The following ATP13A4 variants were observed in gnomAD, a reference collection of about 807,000 sequenced individuals.
The protein encoded by ATP13A4 is ATPase 13A4.
A neutral mutation model predicts 142.5 loss-of-function variants in ATP13A4; 114 were observed. The observed-to-expected ratio is 0.80, with a 90% CI of 0.69 to 0.93. ATP13A4 has a LOEUF of 0.93. Ranked by LOEUF, ATP13A4 falls within the 40% of genes least tolerant of loss-of-function variation. The pLI is 0.00. For missense variants in ATP13A4, 1,392 were observed against 1,454.0 expected, an observed-to-expected ratio of 0.96 and a Z score of 0.69; for synonymous variants, 488 against 514.8, an observed-to-expected ratio of 0.95 and a Z score of 0.70.
chr3:193,414,647 G>A lies in ATP13A4; in HGVS notation c.2946C>T (p.Ser982=). Residue 982 remains serine, a synonymous_variant, in exon 26 of 30, where the codon AGC becomes AGT. Coordinates refer to ENST00000342695, the MANE Select transcript of ATP13A4 (RefSeq NM_032279.4). ...LLSVIFNILL[S]LAMHIAGFIL... is the part of the protein sequence containing the mutation. ...TGAAGCCTGCAATATGCATGGCCAG[G>A]CTGAGAAGAATGTTGAAAATCACAG... The A allele has an allele frequency of 1.9e-6, 3 of 1,614,110 alleles. No individual in the cohort carries two copies. The highest frequency in any genetic ancestry group is 2.5e-6 in the Non-Finnish European group (3 of 1,180,006).
chr3:193,543,048 G>C (rs1436124639), intron 1 of ATP13A4, among the ~76,000 whole-genome samples: 2 of 151,942 alleles, frequency 1.3e-5, no homozygotes, highest in East Asian at 1.9e-4. Flanking sequence ...GATGCCTGTA[G>C]TCCCAGCTAC....
chr3:193,559,483 T>A (rs1375283161), upstream of ATP13A4, among the ~76,000 whole-genome samples: 4 of 152,138 alleles, frequency 2.6e-5, no homozygotes, highest in Non-Finnish European at 5.9e-5. Flanking sequence ...CCTAATCTGC[T>A]CTAAAATAGT....
intron 26 of ATP13A4, among the ~76,000 whole-genome samples, chr3:193,412,874 A>T (rs1177842458): frequency 6.6e-6 from 1 of 152,170 alleles, no homozygotes; most frequent in South Asian, 2.1e-4. Context: ...ATACAAAAAA[A>T]TTAGCTGCAC....
chr3:193,514,780 TA>T lies in ATP13A4; in HGVS notation c.151del (p.Tyr51ThrfsTer25), dbSNP rs1721320124. The T allele has an allele frequency of 6.2e-7, 1 of 1,614,092 alleles. No individual in the cohort carries two copies. The highest frequency in any genetic ancestry group is 8.5e-7 in the Non-Finnish European group (1 of 1,180,030). ...CCATACGTGCCATGCTGGTCTCCAG[TA>T]AAACACCAAGGGGAGGATTCCAAAT... ...FSFGILPLVFYWRPAWHVWAH... is the reference protein window; with the variant it reads ...FSFGILPLVFXWRPAWHVWAH... On this transcript the variant is annotated frameshift_variant, in exon 2 of 30. Coordinates refer to ENST00000342695, the MANE Select transcript of ATP13A4 (RefSeq NM_032279.4). LOFTEE classifies it high-confidence loss of function.
intron 2 of ATP13A4, among the ~76,000 whole-genome samples, chr3:193,513,493 G>A (rs982204935): frequency 6.6e-6 from 1 of 152,146 alleles, no homozygotes; most frequent in African/African-American, 2.4e-5. Context: ...CTCTTTAATA[G>A]AAACATCCAC....
At chr3:193,464,062 A>C (rs1453618202) in intron 12 of ATP13A4, among the ~76,000 whole-genome samples, 1 of 152,252 alleles carries the variant, frequency 6.6e-6, no homozygotes. Flanking sequence ...TAAAATAGTA[A>C]ATTTTATGTT....
At position 193,404,137 on chromosome 3, in the gene ATP13A4, TTGACG is replaced by T. The variant is rs2108598380; in HGVS notation, c.3379-1278_3379-1274del. ...AGCAAGGTTTTTTTGTCCTCCTTAA[TTGACG>T]TGAAAACAGTAGTTCTTCTTAGAGC... On this transcript the variant is annotated intron_variant, in intron 29 of 29. Coordinates refer to ENST00000342695, the MANE Select transcript of ATP13A4 (RefSeq NM_032279.4). The T allele has an allele frequency of 3.0e-6, 3 of 985,408 alleles. No homozygotes were observed. The South Asian group carries it at 1.4e-4, about 46-fold the overall frequency. The allele number at this position is 985,408 out of a possible 1,614,324, so 61.0% of individuals were successfully genotyped here.
chr3:193,454,181 A>T lies in ATP13A4; in HGVS notation c.1947T>A (p.Ile649=), dbSNP rs1407689382. ...TGACTCGGAAGCCCTGTGTCGTGTA[A>T]ATCTGAAGTTCGCTAACAAAACTAG... ...VPTSFVSELQ[I]YTTQGFRVIA... The change falls in exon 17 of 30, where the codon ATT becomes ATA. Residue 649 remains isoleucine (I), a synonymous_variant. Transcript: ENST00000342695. The T allele has an allele frequency of 1.9e-6, 3 of 1,613,920 alleles. No individual in the cohort carries two copies. In the African/African-American group the frequency reaches 4.0e-5, roughly 22 times the overall value.
chr3:193,504,427 C>A (rs771270042), intron 2 of ATP13A4, among the ~76,000 whole-genome samples: 2 of 152,264 alleles, frequency 1.3e-5, no homozygotes, highest in South Asian at 4.2e-4. Flanking sequence ...ATATTTATTT[C>A]ACACTTATTA....
chr3:193,485,209 C>T (rs7372548), intron 7 of ATP13A4, among the ~76,000 whole-genome samples: 75,460 of 149,690 alleles, frequency 0.5, 19,817 homozygotes, highest in African/African-American at 0.67. Flanking sequence ...AAAAGCCTAG[C>T]GCATCTGGAA....
At chr3:193,490,110 GA>G (rs1434791645) in intron 6 of ATP13A4, among the ~76,000 whole-genome samples, 3 of 152,180 alleles carry the variant, frequency 2.0e-5, no homozygotes, top group Non-Finnish European at 4.4e-5. Flanking sequence ...TAATGATAAA[GA>G]AACTGAAACT....
At chr3:193,520,484 G>A (rs1186454986) in intron 1 of ATP13A4, among the ~76,000 whole-genome samples, 1 of 152,122 alleles carries the variant, frequency 6.6e-6, no homozygotes, top group Non-Finnish European at 1.5e-5. Flanking sequence ...TTTTTAGCCT[G>A]TCTCCAAGAG....
chr3:193,543,167 C>CAAAAAAAAAAAAAAAAAAAAA (rs566660322), intron 1 of ATP13A4, among the ~76,000 whole-genome samples: 1 of 115,224 alleles, frequency 8.7e-6, no homozygotes, highest in Non-Finnish European at 1.8e-5. Context: ...GACTCCATCT[C>CAAAAAAAAAAAAAAAAAAAAA]AAAAAAAAAA....
At chr3:193,557,342 T>C (rs1387643769), upstream of ATP13A4, among the ~76,000 whole-genome samples, 1 of 152,234 alleles carries the variant, frequency 6.6e-6, no homozygotes, top group Non-Finnish European at 1.5e-5. Flanking sequence ...CTAGATTTTA[T>C]CGATGGCAAC....
At chr3:193,415,955 C>T (rs773040199) in intron 25 of ATP13A4, among the ~76,000 whole-genome samples, 1 of 152,168 alleles carries the variant, frequency 6.6e-6, no homozygotes, top group Non-Finnish European at 1.5e-5. Context: ...AACCCAAAGC[C>T]TTCAGCTCTG....
At chr3:193,438,149 T>C (rs1036063026) in intron 23 of ATP13A4, among the ~76,000 whole-genome samples, 1 of 152,170 alleles carries the variant, frequency 6.6e-6, no homozygotes, top group Non-Finnish European at 1.5e-5. Flanking sequence ...TTGAAAACTT[T>C]ATTTTTCAAA....
At chr3:193,499,589 CA>C (rs1158351869) in intron 3 of ATP13A4, among the ~76,000 whole-genome samples, 1 of 152,198 alleles carries the variant, frequency 6.6e-6, no homozygotes, top group African/African-American at 2.4e-5. Flanking sequence ...CATCTGGCTC[CA>C]GAGTTCAATC....
chr3:193,464,678 G>A (rs916794479), intron 12 of ATP13A4, among the ~76,000 whole-genome samples: 4 of 152,106 alleles, frequency 2.6e-5, no homozygotes, highest in African/African-American at 9.7e-5. Flanking sequence ...GAAACAGGAT[G>A]CTACTTTAAT....
intron 1 of ATP13A4, among the ~76,000 whole-genome samples, chr3:193,515,142 G>A (rs1385799656): frequency 6.6e-6 from 1 of 152,174 alleles, no homozygotes; most frequent in Non-Finnish European, 1.5e-5. Context: ...ACTGTGCTAG[G>A]TGTTTAGATG....
Sources: allele counts gnomAD v4.1 joint callset (sites outside exome capture counted in the v4.1 genomes callset), GRCh38; gene constraint gnomAD v4.1.1; transcripts MANE v1.5; gene names NCBI Gene and HGNC (gene_info 2026-07-23, HGNC 2026-07-21).